Variants in CERK observed in about 807,000 individuals in gnomAD.
The protein encoded by CERK is ceramide kinase, also known as acylsphingosine kinase.
CERK carries 39 observed loss-of-function variants against 63.4 expected under a neutral mutation model. That is an observed-to-expected ratio of 0.61 (90% CI 0.48 to 0.80). The LOEUF (loss-of-function observed/expected upper bound fraction) is 0.80. Among genes scored for constraint, CERK ranks in the 30% least tolerant of loss-of-function variants. The pLI is 0.00. For synonymous variants in CERK, 302 were observed against 280.0 expected, an observed-to-expected ratio of 1.08 and a Z score of -0.78; for missense variants, 670 against 714.1, an observed-to-expected ratio of 0.94 and a Z score of 0.70.
At chr22:46,719,501 A>C (rs2082881821) in intron 3 of CERK, among the ~76,000 whole-genome samples, 1 of 151,948 alleles carries the variant, frequency 6.6e-6, no homozygotes, top group South Asian at 2.1e-4. Context: ...GTAAAACCCC[A>C]TCTCTACTAA....
intron 7 of CERK, among the ~76,000 whole-genome samples, chr22:46,699,960 G>A (rs1343822338): frequency 6.6e-6 from 1 of 152,184 alleles, no homozygotes; most frequent in African/African-American, 2.4e-5. Flanking sequence ...ATGGTGGCGT[G>A]TGCCTGAAAT....
At chr22:46,697,900 C>T (rs2082764057) in intron 8 of CERK, among the ~76,000 whole-genome samples, 1 of 152,212 alleles carries the variant, frequency 6.6e-6, no homozygotes, top group African/African-American at 2.4e-5. Flanking sequence ...ACTCTTGTGT[C>T]TGAACTGGCA....
Position 46,725,521 on chromosome 22 carries a change from G to A in CERK, c.143-4506C>T, listed in dbSNP as rs564240266. Among the ~76,000 whole-genome samples, 79 of 152,292 alleles carry A rather than the reference G, an allele frequency of 5.2e-4. 1 individual carries two copies. Among genetic ancestry groups the A allele is most frequent in the South Asian group, 1.2e-3 (6 of 4,820 alleles). ...TGTGTGGACATGCCACAGCATCCGC[G>A]GGAGAAAACACACCTGACCCAGGTG... On this transcript the variant is annotated intron_variant, in intron 1 of 12. Coordinates refer to ENST00000216264, the MANE Select transcript of CERK (RefSeq NM_022766.6).
At chr22:46,730,194 G>A (rs903214641) in intron 1 of CERK, among the ~76,000 whole-genome samples, 1 of 151,228 alleles carries the variant, frequency 6.6e-6, no homozygotes, top group African/African-American at 2.4e-5. Context: ...AAGGCGGGCA[G>A]ATTGCCTGAG....
chr22:46,721,171 G>A lies in CERK; in HGVS notation c.143-156C>T, dbSNP rs528389290. On this transcript the variant is annotated intron_variant, in intron 1 of 12. Transcript: ENST00000216264. ...TGTGCACCTGTAATCCCAGCACTTT[G>A]GGAGGCTGAGGAGGGAGGATCGCTT... 3.6e-3 allele frequency among the ~76,000 whole-genome samples: 546 copies of A among 152,222 alleles called. 3 individuals carry two copies. Among genetic ancestry groups the A allele is most frequent in the African/African-American group, 0.012 (491 of 41,538 alleles).
At chr22:46,702,113 A>C (rs1428644406) in intron 6 of CERK, among the ~76,000 whole-genome samples, 1 of 151,440 alleles carries the variant, frequency 6.6e-6, no homozygotes, top group Non-Finnish European at 1.5e-5. Context: ...CCCGGGAGGC[A>C]AAGGCTGCAG....
At chr22:46,692,107 G>C (rs2082734584) in intron 10 of CERK, among the ~76,000 whole-genome samples, 8 of 152,304 alleles carry the variant, frequency 5.3e-5, no homozygotes, top group Admixed American at 4.6e-4. Context: ...TGGCCTGAGA[G>C]CTAAGAATGC....
intron 1 of CERK, among the ~76,000 whole-genome samples, chr22:46,727,462 T>TTC (rs2082924754): frequency 1.3e-5 from 2 of 151,282 alleles, no homozygotes; most frequent in Admixed American, 1.3e-4. Flanking sequence ...TTTTTTTTTT[T>TTC]TTTTGAGAGA....
intron 1 of CERK, among the ~76,000 whole-genome samples, chr22:46,737,412 C>A (rs572840510): frequency 6.6e-6 from 1 of 152,250 alleles, no homozygotes; most frequent in African/African-American, 2.4e-5. Flanking sequence ...CAAAGTCACT[C>A]TTCTCCTCAT....
chr22:46,724,271 A>G (rs1439549951), intron 1 of CERK, among the ~76,000 whole-genome samples: 4 of 152,224 alleles, frequency 2.6e-5, no homozygotes, highest in East Asian at 1.9e-4. Context: ...ATAATACAGC[A>G]TATAAATCAG....
intron 1 of CERK, among the ~76,000 whole-genome samples, chr22:46,728,735 G>C (rs1446150677): frequency 6.6e-6 from 1 of 152,250 alleles, no homozygotes; most frequent in Non-Finnish European, 1.5e-5. Context: ...AGGCCCGCTG[G>C]CTGGAGAGGC....
intron 9 of CERK, 139 bp from the exon 10 acceptor site, chr22:46,693,642 C>A: frequency 1.5e-6 from 1 of 676,092 alleles, no homozygotes; most frequent in Non-Finnish European, 2.6e-6. Flanking sequence ...TATTTTTTGG[C>A]ATATTAATTA....
At chr22:46,730,901 C>CA (rs2082942180) in intron 1 of CERK, among the ~76,000 whole-genome samples, 1 of 152,232 alleles carries the variant, frequency 6.6e-6, no homozygotes, top group South Asian at 2.1e-4. Context: ...AAAGCCAACT[C>CA]AGTCTAGCCA....
intron 3 of CERK, among the ~76,000 whole-genome samples, chr22:46,715,393 T>G (rs563976886): frequency 3.6e-4 from 55 of 152,224 alleles, no homozygotes; most frequent in African/African-American, 1.3e-3. Flanking sequence ...GTTTGCAAGG[T>G]CATTGAATGC....
chr22:46,690,233 T>A (rs1429000582), intron 11 of CERK, 33 bp from the exon 12 acceptor site: 3 of 1,590,882 alleles, frequency 1.9e-6, no homozygotes, highest in Admixed American at 1.7e-5. Context: ...ACCATTCAGC[T>A]CTAAACGTCA....
In CERK at chr22:46,691,790, G is replaced by A; in HGVS notation, c.1127-13C>T. 6.3e-7 allele frequency: 1 copy of A among 1,598,322 alleles called. No individual in the cohort carries two copies. The highest frequency in any genetic ancestry group is 8.6e-7 in the Non-Finnish European group (1 of 1,168,894). ...TCCTCCACGTCCTCTGAAGCACAAAGAACCACGGAGATGTCACAGTTACAA... is the reference window on the plus strand; with the variant it reads ...TCCTCCACGTCCTCTGAAGCACAAAAAACCACGGAGATGTCACAGTTACAA... On this transcript the variant is annotated splice_polypyrimidine_tract_variant and intron_variant, in intron 10 of 12. Coordinates refer to ENST00000216264, the MANE Select transcript of CERK (RefSeq NM_022766.6).
rs369906534 is a variant in CERK, at chr22:46,721,290, C to CATATAT, written c.143-281_143-276dup. Among the ~76,000 whole-genome samples, 19 of 150,980 alleles carry CATATAT rather than the reference C, an allele frequency of 1.3e-4. 1 individual carries two copies. Among genetic ancestry groups the CATATAT allele is most frequent in the African/African-American group, 4.6e-4 (19 of 40,992 alleles). ...CATCTCCAAAAAGAAAAAAGATATACATATATATATATATTTTTTTGAGAC... is the reference window on the plus strand; with the variant it reads ...CATCTCCAAAAAGAAAAAAGATATACATATATATATATATATATATTTTTTTGAGAC... On this transcript the variant is annotated intron_variant, in intron 1 of 12. Coordinates refer to ENST00000216264, the MANE Select transcript of CERK (RefSeq NM_022766.6).
chr22:46,705,572 G>A (rs1216330104), intron 6 of CERK, among the ~76,000 whole-genome samples: 2 of 152,232 alleles, frequency 1.3e-5, no homozygotes, highest in Non-Finnish European at 2.9e-5. Context: ...TCAGGAGGCT[G>A]AGGCAGGAGA....
At chr22:46,699,619 G>A (rs1455386744) in intron 7 of CERK, among the ~76,000 whole-genome samples, 154 bp from the exon 8 acceptor site, 1 of 152,178 alleles carries the variant, frequency 6.6e-6, no homozygotes, top group African/African-American at 2.4e-5. Context: ...CTCTCTCTTG[G>A]GGTGTTGGAT....
Sources: gnomAD v4.1 joint callset for allele counts (sites outside exome capture counted in the v4.1 genomes callset) on GRCh38, gnomAD v4.1.1 for gene constraint, MANE v1.5 for transcripts, NCBI Gene and HGNC (gene_info 2026-07-23, HGNC 2026-07-21) for gene names.